Variants in MYO7B observed in about 807,000 individuals in gnomAD.
The protein encoded by MYO7B is unconventional myosin-VIIb.
MYO7B carries 212 observed loss-of-function variants against 259.7 expected under a neutral mutation model. The observed-to-expected ratio is 0.82, with a 90% CI of 0.73 to 0.91. MYO7B has a LOEUF of 0.91. Among genes scored for constraint, MYO7B ranks in the 40% least tolerant of loss-of-function variants. The pLI is 0.00. For missense variants in MYO7B, 2,732 were observed against 2,813.5 expected, an observed-to-expected ratio of 0.97 and a Z score of 0.66; for synonymous variants, 1,197 against 1,166.4, an observed-to-expected ratio of 1.03 and a Z score of -0.54.
rs1162641722 is a variant in MYO7B, at chr2:127,613,269, CT to C, written c.3398+672del. Among the ~76,000 whole-genome samples the C allele has an allele frequency of 1.3e-5, 2 of 152,084 alleles. No individual in the cohort carries two copies. The highest frequency in any genetic ancestry group is 2.4e-5 in the African/African-American group (1 of 41,410). The stretch of plus-strand genomic sequence containing the variant: ...CTAGGGGTCTGCTTATCTTTTCTTT[CT>C]TTTTTCTCTGTGTTCTTTAGATTGG... On this transcript the variant is annotated intron_variant, in intron 26 of 47. Transcript: ENST00000409816. The surrounding 1 kb of genome is among the most constrained non-coding windows in gnomAD (Gnocchi z 4.3).
At chr2:127,575,987 A>T (rs1331815911) in intron 7 of MYO7B, among the ~76,000 whole-genome samples, 2 of 152,144 alleles carry the variant, frequency 1.3e-5, no homozygotes, top group Non-Finnish European at 2.9e-5. Context: ...ATAGTGTTTT[A>T]AAAAATACAG....
Position 127,636,196 on chromosome 2 carries a change from C to T in MYO7B, c.6007-12C>T. The stretch of plus-strand genomic sequence containing the variant: ...GGGCACCCAAGTCCTTACTGGCCCT[C>T]CTGTCCCCCAGAGCATCCTTCTAGC... On this transcript the variant is annotated splice_polypyrimidine_tract_variant and intron_variant, in intron 44 of 47. Transcript: ENST00000409816. This position sits in a 1 kb window ranked among gnomAD's most constrained non-coding sequence, Gnocchi z 4.5. 1.2e-6 allele frequency: 2 copies of T among 1,605,418 alleles called. No homozygotes were observed. The highest frequency in any genetic ancestry group is 1.7e-6 in the Non-Finnish European group (2 of 1,173,488).
Position 127,623,313 on chromosome 2 carries a change from G to A in MYO7B, c.3757G>A (p.Ala1253Thr), listed in dbSNP as rs1558843466. ...ATCTCGGGAAATGTGCATGCACATC[G>A]CTCACAAGCAGGGCCTCAGCGACCA... Reference protein sequence around the residue: ...STSREMCMHIAHKQGLSDHLG... With the variant: ...STSREMCMHITHKQGLSDHLG... The change falls in exon 29 of 48, where the codon GCT becomes ACT. Residue 1253 changes from alanine (A) to threonine (T), a missense_variant. Around this residue, in one of 3 missense-constraint regions of MYO7B, gnomAD observed 1,906 missense variants for 2,026.4 expected, o/e 0.94. Transcript: ENST00000409816. 3 of 1,612,314 alleles carry A rather than the reference G, an allele frequency of 1.9e-6. No individual in the cohort carries two copies. Among genetic ancestry groups the A allele is most frequent in the Admixed American group, 1.7e-5 (1 of 59,886 alleles).
At chr2:127,556,179 G>T (rs1270725595) in intron 1 of MYO7B, among the ~76,000 whole-genome samples, 2 of 152,146 alleles carry the variant, frequency 1.3e-5, no homozygotes, top group African/African-American at 4.8e-5. Flanking sequence ...AACTGCTGTT[G>T]CTTTAAAGCT....
At chr2:127,582,588 G>C in intron 12 of MYO7B, 142 bp downstream of exon 12, 4 of 1,020,060 alleles carry the variant, frequency 3.9e-6, no homozygotes, top group Non-Finnish European at 4.2e-6. Flanking sequence ...GCTCTGCATG[G>C]GGTGGCTGCT....
rs1679112515 is a variant in MYO7B, at chr2:127,581,829, G to A, written c.1081-62G>A. On this transcript the variant is annotated intron_variant, in intron 10 of 47. Transcript: ENST00000409816. ...AGGGAACAAGACTTGGCAGAAGCAG[G>A]TCAGAGTGCTGGGCCAGGCCCTGCT... 1.2e-5 allele frequency: 19 copies of A among 1,605,184 alleles called. No homozygotes were observed. The East Asian group carries it at 2.9e-4, about 25-fold the overall frequency.
rs114216587 is a variant in MYO7B, at chr2:127,625,086, C to T, written c.4048-282C>T. 7.2e-3 allele frequency among the ~76,000 whole-genome samples: 1,099 copies of T among 152,290 alleles called. 17 individuals are homozygous for T. Among genetic ancestry groups the T allele is most frequent in the African/African-American group, 0.025 (1,043 of 41,552 alleles). ...AAGGACTGGAACTCAGATGAGGAAA[C>T]GCCTTGTCACTCAGAGCAACCCTGC... On this transcript the variant is annotated intron_variant, in intron 30 of 47. Transcript: ENST00000409816.
intron 39 of MYO7B, 108 bp from the exon 40 acceptor site, chr2:127,633,150 G>A: frequency 1.2e-6 from 1 of 844,826 alleles, no homozygotes; most frequent in South Asian, 1.7e-5. Flanking sequence ...GATGGTCACT[G>A]GGGTTTTCTT....
intron 47 of MYO7B, 121 bp from the exon 48 acceptor site, chr2:127,637,195 G>C: frequency 1.1e-6 from 1 of 915,090 alleles, no homozygotes. Context: ...GCAGGAGCCC[G>C]CCTTCCCTTT....
intron 7 of MYO7B, among the ~76,000 whole-genome samples, chr2:127,574,651 G>C (rs544529609): frequency 1.3e-5 from 2 of 152,306 alleles, no homozygotes; most frequent in South Asian, 4.1e-4. Context: ...GGCTAGTTGG[G>C]TGGGCCGTAT....
rs1476535103 is a variant in MYO7B at position 127,577,204 on chromosome 2, C to T, written c.849+496C>T. On this transcript the variant is annotated intron_variant, in intron 8 of 47. Transcript: ENST00000409816. The surrounding 1 kb of genome is among the most constrained non-coding windows in gnomAD (Gnocchi z 5.2). ...CTCCCTGGCCCTCAGGAGAACTGCG[C>T]CTCCTGGTTTATTGACCACAGAGTG... 2.6e-5 allele frequency among the ~76,000 whole-genome samples: 4 copies of T among 152,160 alleles called. No individual in the cohort carries two copies. Among genetic ancestry groups the T allele is most frequent in the South Asian group, 4.2e-4 (2 of 4,816 alleles).
rs1679326976 is a variant in MYO7B at position 127,586,913 on chromosome 2, G to A, written c.1691-1479G>A. Among the ~76,000 whole-genome samples the A allele has an allele frequency of 1.3e-5, 2 of 152,036 alleles. No homozygotes were observed. The highest frequency in any genetic ancestry group is 1.3e-4 in the Admixed American group (2 of 15,264). On this transcript the variant is annotated intron_variant, in intron 14 of 47. Transcript: ENST00000409816. The surrounding 1 kb of genome is among the most constrained non-coding windows in gnomAD (Gnocchi z 4.8). ...GGGGAGCTCTGCCTGAGCCTCAGGG[G>A]TGCAAGGTGTCACCGAGTGTCCACC...
intron 26 of MYO7B, among the ~76,000 whole-genome samples, chr2:127,618,185 G>A (rs1047858467): frequency 2.6e-5 from 4 of 152,192 alleles, no homozygotes; most frequent in African/African-American, 9.7e-5. Flanking sequence ...ATTTGCCACT[G>A]TTACTACTTG....
Position 127,627,403 on chromosome 2 carries a change from C to G in MYO7B, c.4460+93C>G. ...AGAGATGGGGAGAGGGGCAGTGTGC[C>G]GTCCCGGGTAACAGGCCGGGGTGGA... On this transcript the variant is annotated intron_variant, in intron 33 of 47. Transcript: ENST00000409816. This position sits in a 1 kb window ranked among gnomAD's most constrained non-coding sequence, Gnocchi z 5.6. The G allele has an allele frequency of 6.6e-7, 1 of 1,526,228 alleles. No homozygotes were observed. The highest frequency in any genetic ancestry group is 1.8e-5 in the Admixed American group (1 of 55,568). 94.5% of individuals were successfully genotyped at this position (1,526,228 alleles called of 1,614,324 possible).
At position 127,624,379 on chromosome 2, in the gene MYO7B, A is replaced by G. The variant is rs904606890; in HGVS notation, c.4047+59A>G. 1.8e-5 allele frequency: 27 copies of G among 1,476,800 alleles called. No homozygotes were observed. In the African/African-American group the frequency reaches 2.9e-4, roughly 16 times the overall value. 91.5% of individuals were successfully genotyped at this position (1,476,800 alleles called of 1,614,324 possible). A position where few individuals can be genotyped will look rare whatever the true frequency, so the allele number is the denominator to read the frequency against. On this transcript the variant is annotated intron_variant, in intron 30 of 47. Coordinates refer to ENST00000409816, the MANE Select transcript of MYO7B (RefSeq NM_001393586.1). ...TTTGCCATCAGGAAACATCCCATAGAGGAGGCACCCAACTGGCTTCTGAGG... is the reference window on the plus strand; with the variant it reads ...TTTGCCATCAGGAAACATCCCATAGGGGAGGCACCCAACTGGCTTCTGAGG...
In MYO7B at chr2:127,628,260, C is replaced by A. The variant is rs947097916; in HGVS notation, c.4461-112C>A. ...TAGTCCTGGCCCTGGCAGAGCAGCT[C>A]TGTGTCCTCATCTGTGACTCAGGAC... On this transcript the variant is annotated intron_variant, in intron 33 of 47. Coordinates refer to ENST00000409816, the MANE Select transcript of MYO7B (RefSeq NM_001393586.1). This position sits in a 1 kb window ranked among gnomAD's most constrained non-coding sequence, Gnocchi z 4.8. The A allele has an allele frequency of 7.6e-7, 1 of 1,317,526 alleles. No homozygotes were observed. Among genetic ancestry groups the A allele is most frequent in the Non-Finnish European group, 1.1e-6 (1 of 948,132 alleles). The allele number at this position is 1,317,526 out of a possible 1,614,324, so 81.6% of individuals were successfully genotyped here.
In MYO7B at chr2:127,624,088, C is replaced by A; in HGVS notation, c.3820-5C>A. ...CTAACCCCTGCTCCCCGACTCTGGC[C>A]TCAGTTCTGGTCCCTGGGCAGCGGG... is the stretch of plus-strand genomic sequence containing the variant. On this transcript the variant is annotated splice_polypyrimidine_tract_variant and splice_region_variant and intron_variant, in intron 29 of 47. Transcript: ENST00000409816. 1 of 1,557,646 alleles carries A rather than the reference C, an allele frequency of 6.4e-7. No homozygotes were observed.
chr2:127,592,973 T>A (rs1558822352), intron 17 of MYO7B, 27 bp downstream of exon 17: 1 of 1,560,650 alleles, frequency 6.4e-7, no homozygotes, highest in African/African-American at 1.4e-5. Flanking sequence ...GACGGTCACC[T>A]CTGGCCATCC....
intron 14 of MYO7B, among the ~76,000 whole-genome samples, chr2:127,587,294 G>A (rs1237481862): frequency 2.0e-5 from 3 of 152,144 alleles, no homozygotes; most frequent in Non-Finnish European, 4.4e-5. Flanking sequence ...TGGCCGGAGG[G>A]GAGACATGGG....
Sources: allele counts gnomAD v4.1 joint callset (sites outside exome capture counted in the v4.1 genomes callset), GRCh38; gene constraint gnomAD v4.1.1; regional missense constraint gnomAD v4.1.1; non-coding constraint Gnocchi (gnomAD v3.1); transcripts MANE v1.5; gene names NCBI Gene and HGNC (gene_info 2026-07-23, HGNC 2026-07-21).